Variants in NTRK3 observed in about 807,000 individuals in gnomAD.
NTRK3 encodes the protein NT-3 growth factor receptor.
Under a neutral mutation model 91.7 loss-of-function variants are expected in NTRK3, and 24 were observed. That is an observed-to-expected ratio of 0.26 (90% CI 0.19 to 0.37). NTRK3 has a LOEUF of 0.37. Among genes scored for constraint, NTRK3 ranks in the 10% least tolerant of loss-of-function variants. The pLI is 1.00. For synonymous variants in NTRK3, 483 were observed against 404.0 expected, an observed-to-expected ratio of 1.20 and a Z score of -2.34; for missense variants, 880 against 1,068.9, an observed-to-expected ratio of 0.82 and a Z score of 2.46.
intron 3 of NTRK3, among the ~76,000 whole-genome samples, chr15:88,254,251 C>A (rs2053757244): frequency 1.3e-5 from 2 of 152,194 alleles, no homozygotes; most frequent in South Asian, 4.1e-4. Context: ...ACTTCCAAGT[C>A]TGAGTTTCCC....
At position 88,255,309 on chromosome 15, in the gene NTRK3, G is replaced by T. The variant is rs1358328476; in HGVS notation, c.248+597C>A. Among the ~76,000 whole-genome samples the T allele has an allele frequency of 1.3e-5, 2 of 152,154 alleles. No individual in the cohort carries two copies. The highest frequency in any genetic ancestry group is 2.9e-5 in the Non-Finnish European group (2 of 68,030). ...GGGCTGCAGGAGGGGAAGGGAAGAG[G>T]TAGGCGTCCATGACGGCCTCCACAC... On this transcript the variant is annotated intron_variant, in intron 3 of 18. Coordinates refer to ENST00000394480, the Ensembl canonical transcript of NTRK3. This position sits in a 1 kb window ranked among gnomAD's most constrained non-coding sequence, Gnocchi z 4.3.
rs80106415 is a variant in NTRK3, at chr15:88,233,291, T to G, written c.248+22615A>C. Among the ~76,000 whole-genome samples the G allele has an allele frequency of 6.6e-6, 1 of 152,162 alleles. No homozygotes were observed. The highest frequency in any genetic ancestry group is 1.5e-5 in the Non-Finnish European group (1 of 68,024). On this transcript the variant is annotated intron_variant, in intron 3 of 18. Transcript: ENST00000394480. The surrounding 1 kb of genome is among the most constrained non-coding windows in gnomAD (Gnocchi z 4.2). ...GACTTCATTTGCAGAGATATTATAA[T>G]GCAGATCACTTGTGAAACACCTCTG...
intron 5 of NTRK3, among the ~76,000 whole-genome samples, chr15:88,163,115 T>C (rs940729163): frequency 1.3e-5 from 2 of 152,190 alleles, no homozygotes; most frequent in Non-Finnish European, 2.9e-5. Context: ...CACCACTCCA[T>C]GTCGGGTAGG....
intron 13 of NTRK3, among the ~76,000 whole-genome samples, chr15:88,070,930 A>T (rs2047041386): frequency 6.6e-6 from 1 of 152,214 alleles, no homozygotes. Context: ...GAAGATTCCT[A>T]GCCCTCTAGC....
intron 14 of NTRK3, among the ~76,000 whole-genome samples, chr15:87,944,324 A>T (rs2070203365): frequency 6.6e-6 from 1 of 152,182 alleles, no homozygotes; most frequent in African/African-American, 2.4e-5. Flanking sequence ...CCAGAATACC[A>T]TATGAGCAGC....
At chr15:88,115,375 A>G (rs79429776) in intron 13 of NTRK3, among the ~76,000 whole-genome samples, 123 of 152,354 alleles carry the variant, frequency 8.1e-4, no homozygotes, top group African/African-American at 2.9e-3. Context: ...CCTAGAGCCC[A>G]GGCCAACAAC....
Position 87,870,285 on chromosome 15 carries a change from G to A in NTRK3, c.*6650C>T, listed in dbSNP as rs77333627. ...GGAATGAATTAATGGCATTCGAAGC[G>A]GCCTGGGTGAGATTGGAGACCACTA... is the stretch of plus-strand genomic sequence containing the variant. On this transcript the variant is annotated 3_prime_UTR_variant, in exon 19 of 19. Coordinates refer to ENST00000394480, the Ensembl canonical transcript of NTRK3. 5.9e-3 allele frequency: 1,119 copies of A among 188,864 alleles called. 22 individuals are homozygous for A. The highest frequency in any genetic ancestry group is 0.031 in the East Asian group (366 of 11,832). 11.7% of individuals were successfully genotyped at this position (188,864 alleles called of 1,614,324 possible). A position where few individuals can be genotyped will look rare whatever the true frequency, so the allele number is the denominator to read the frequency against.
At chr15:88,185,784 C>T (rs527586066) in intron 3 of NTRK3, among the ~76,000 whole-genome samples, 4 of 152,334 alleles carry the variant, frequency 2.6e-5, no homozygotes, top group Admixed American at 6.5e-5. Flanking sequence ...GCCACCAACT[C>T]GAGTCAGAGC....
intron 5 of NTRK3, among the ~76,000 whole-genome samples, chr15:88,178,776 T>C (rs1054199358): frequency 6.6e-6 from 1 of 152,246 alleles, no homozygotes; most frequent in African/African-American, 2.4e-5. Context: ...TTATAGGATT[T>C]GACCTGAATA....
At chr15:87,949,207 A>G (rs1200846483) in intron 14 of NTRK3, among the ~76,000 whole-genome samples, 1 of 152,184 alleles carries the variant, frequency 6.6e-6, no homozygotes, top group Non-Finnish European at 1.5e-5. Flanking sequence ...GAGAATGGGA[A>G]AAGAGCCAGG....
chr15:88,039,066 G>A (rs2079342970), intron 13 of NTRK3, among the ~76,000 whole-genome samples: 1 of 151,378 alleles, frequency 6.6e-6, no homozygotes, highest in Non-Finnish European at 1.5e-5. Flanking sequence ...TGAAGCTGCT[G>A]AGGTGGATGG....
intron 14 of NTRK3, among the ~76,000 whole-genome samples, chr15:87,954,052 GTGTGTGTA>G (rs1452853089): frequency 9.3e-5 from 13 of 139,882 alleles, no homozygotes; most frequent in Admixed American, 2.8e-4. Context: ...GTGTGTGTGT[GTGTGTGTA>G]TGCTTTTTTT....
At chr15:88,193,682 C>G (rs1422508163) in intron 3 of NTRK3, among the ~76,000 whole-genome samples, 2 of 152,174 alleles carry the variant, frequency 1.3e-5, no homozygotes, top group African/African-American at 4.8e-5. Flanking sequence ...CTATCAGCTT[C>G]CCATGTGGAC....
At chr15:88,166,439 G>T (rs998315935) in intron 5 of NTRK3, among the ~76,000 whole-genome samples, 1 of 152,186 alleles carries the variant, frequency 6.6e-6, no homozygotes, top group East Asian at 1.9e-4. Flanking sequence ...ACTAGCAGCT[G>T]TGGCAATGCT....
chr15:88,113,694 T>C (rs1169944422), intron 13 of NTRK3, among the ~76,000 whole-genome samples: 1 of 152,176 alleles, frequency 6.6e-6, no homozygotes, highest in Non-Finnish European at 1.5e-5. Flanking sequence ...CTGGCACCTG[T>C]TTTTTATAAA....
chr15:88,224,316 G>A (rs1418874577), intron 3 of NTRK3, among the ~76,000 whole-genome samples: 4 of 152,194 alleles, frequency 2.6e-5, no homozygotes, highest in Admixed American at 6.5e-5. Flanking sequence ...TTGGCCTGCA[G>A]AGTCTGAGGC....
chr15:87,956,299 C>G lies in NTRK3; in HGVS notation c.1586-15546G>C, dbSNP rs141822740. Among the ~76,000 whole-genome samples, 5 of 152,276 alleles carry G rather than the reference C, an allele frequency of 3.3e-5. No homozygotes were observed. In the East Asian group the frequency reaches 9.7e-4, roughly 29 times the overall value. ...TTTTTGTTGTTGTTGTTGTTTGAGA[C>G]AGAGTCACTCTGTCACCCAGGCTGG... On this transcript the variant is annotated intron_variant, in intron 14 of 18. Transcript: ENST00000394480.
At chr15:87,937,159 A>G (rs188544398) in intron 15 of NTRK3, among the ~76,000 whole-genome samples, 10 of 152,030 alleles carry the variant, frequency 6.6e-5, no homozygotes, top group Admixed American at 5.9e-4. Context: ...GATCCTGAAC[A>G]CTCCCTGCAA....
At chr15:88,146,853 G>T (rs914242526) in intron 6 of NTRK3, among the ~76,000 whole-genome samples, 6 of 152,142 alleles carry the variant, frequency 3.9e-5, no homozygotes, top group African/African-American at 1.4e-4. Context: ...CTAGGCCCTA[G>T]AAATGTGATC....
Sources: gnomAD v4.1 joint callset for allele counts (sites outside exome capture counted in the v4.1 genomes callset) on GRCh38, gnomAD v4.1.1 for gene constraint, Gnocchi (gnomAD v3.1) non-coding constraint, MANE v1.5 for transcripts, NCBI Gene and HGNC (gene_info 2026-07-23, HGNC 2026-07-21) for gene names.